The following ADAMTS3 variants were observed in gnomAD, a reference collection of about 807,000 sequenced individuals.
ADAMTS3 encodes A disintegrin and metalloproteinase with thrombospondin motifs 3.
Under a neutral mutation model 129.0 loss-of-function variants are expected in ADAMTS3, and 73 were observed. The ratio of observed to expected loss-of-function variants is 0.57; its 90% CI spans 0.47 to 0.69. The LOEUF (loss-of-function observed/expected upper bound fraction) is 0.69. ADAMTS3 is among the 30% of genes least tolerant of loss of function. The probability of loss-of-function intolerance (pLI) is 0.00; values close to 1 mark genes in which losing one functional copy is unlikely to be tolerated. For synonymous variants in ADAMTS3, 477 were observed against 510.8 expected, an observed-to-expected ratio of 0.93 and a Z score of 0.89; for missense variants, 1,457 against 1,514.5, an observed-to-expected ratio of 0.96 and a Z score of 0.63.
intron 5 of ADAMTS3, among the ~76,000 whole-genome samples, chr4:72,329,357 A>T (rs550159771): frequency 6.6e-6 from 1 of 152,164 alleles, no homozygotes; most frequent in South Asian, 2.1e-4. Context: ...GGAAGGAATA[A>T]TTGTGTGACT....
chr4:72,389,219 C>A (rs1991948), intron 4 of ADAMTS3, among the ~76,000 whole-genome samples: 1 of 152,102 alleles, frequency 6.6e-6, no homozygotes, highest in Non-Finnish European at 1.5e-5. Flanking sequence ...AGCCTCAGGA[C>A]TGTTATGTTA....
intron 3 of ADAMTS3, among the ~76,000 whole-genome samples, chr4:72,443,370 G>A (rs980039837): frequency 2.0e-5 from 3 of 151,674 alleles, no homozygotes; most frequent in Non-Finnish European, 4.4e-5. Flanking sequence ...GCTAGGAGTT[G>A]TATATACTGT....
chr4:72,397,130 T>C (rs1299460357), intron 4 of ADAMTS3, among the ~76,000 whole-genome samples: 1 of 152,182 alleles, frequency 6.6e-6, no homozygotes, highest in Non-Finnish European at 1.5e-5. Context: ...CAAGAGTGTA[T>C]TCTGCATTCC....
At chr4:72,386,032 A>G (rs1721438323) in intron 4 of ADAMTS3, among the ~76,000 whole-genome samples, 2 of 152,246 alleles carry the variant, frequency 1.3e-5, no homozygotes, top group South Asian at 2.1e-4. Context: ...AAGTTAGAGA[A>G]GATAACATTT....
intron 3 of ADAMTS3, among the ~76,000 whole-genome samples, chr4:72,418,216 T>C (rs1490531697): frequency 3.9e-5 from 6 of 152,070 alleles, no homozygotes; most frequent in Non-Finnish European, 1.5e-5. Context: ...TTATCTAGTA[T>C]CTATTTCAAC....
intron 7 of ADAMTS3, 116 bp downstream of exon 7, chr4:72,320,598 G>A (rs916540924): frequency 3.0e-5 from 32 of 1,051,812 alleles, no homozygotes; most frequent in Admixed American, 2.2e-4. Context: ...ATGCTTGGCC[G>A]GTGTGTGGTG....
At chr4:72,501,687 G>A (rs1211097185) in intron 3 of ADAMTS3, among the ~76,000 whole-genome samples, 3 of 152,022 alleles carry the variant, frequency 2.0e-5, no homozygotes, top group Admixed American at 1.3e-4. Flanking sequence ...TCCTGTTCCT[G>A]TTCTCAAGGG....
chr4:72,559,318 G>A (rs6446837), intron 2 of ADAMTS3, among the ~76,000 whole-genome samples: 146,250 of 151,790 alleles, frequency 0.96, 70,849 homozygotes, highest in East Asian at 1. Flanking sequence ...AAGTAAAAGA[G>A]TTGTATCTGG....
intron 3 of ADAMTS3, among the ~76,000 whole-genome samples, chr4:72,456,691 C>T (rs973741454): frequency 6.6e-6 from 1 of 151,464 alleles, no homozygotes; most frequent in Non-Finnish European, 1.5e-5. Flanking sequence ...ATGATCCCTA[C>T]CTTTCCCCTA....
intron 3 of ADAMTS3, among the ~76,000 whole-genome samples, chr4:72,506,418 C>A (rs116561652): frequency 6.6e-6 from 1 of 152,196 alleles, no homozygotes; most frequent in Non-Finnish European, 1.5e-5. Context: ...CCAGTGCCAA[C>A]TGTTGAGGCA....
intron 4 of ADAMTS3, among the ~76,000 whole-genome samples, chr4:72,345,669 A>G (rs1024046913): frequency 6.6e-6 from 1 of 152,114 alleles, no homozygotes; most frequent in African/African-American, 2.4e-5. Context: ...AGTGAATGTC[A>G]GTTTCCGTTA....
At chr4:72,525,322 C>CA in intron 3 of ADAMTS3, among the ~76,000 whole-genome samples, 1 of 152,322 alleles carries the variant, frequency 6.6e-6, no homozygotes, top group South Asian at 2.1e-4. Context: ...TCCTTGTCCT[C>CA]AGACTTTTCC....
chr4:72,345,794 G>A (rs1720266649), intron 4 of ADAMTS3, among the ~76,000 whole-genome samples: 1 of 151,800 alleles, frequency 6.6e-6, no homozygotes, highest in South Asian at 2.1e-4. Context: ...ACCTTTTAAG[G>A]AAAAAAATGT....
chr4:72,518,934 A>G (rs1385676054), intron 3 of ADAMTS3, among the ~76,000 whole-genome samples: 9 of 152,134 alleles, frequency 5.9e-5, no homozygotes, highest in African/African-American at 1.4e-4. Flanking sequence ...TCCTAGTCTC[A>G]ATGGTCTTTA....
At chr4:72,322,385 T>C (rs901421917) in intron 6 of ADAMTS3, among the ~76,000 whole-genome samples, 4 of 152,228 alleles carry the variant, frequency 2.6e-5, no homozygotes, top group African/African-American at 7.2e-5. Context: ...TCGTTTCCTG[T>C]ATGTTTCCTC....
chr4:72,288,626 AG>A, intron 21 of ADAMTS3, 124 bp downstream of exon 21: 1 of 670,592 alleles, frequency 1.5e-6, no homozygotes, highest in South Asian at 1.8e-5. Flanking sequence ...AATATTTCAC[AG>A]GTGTTTTCCT....
intron 3 of ADAMTS3, among the ~76,000 whole-genome samples, chr4:72,477,896 A>G (rs1337043357): frequency 1.3e-5 from 2 of 152,244 alleles, no homozygotes; most frequent in Non-Finnish European, 2.9e-5. Flanking sequence ...AACTACCATC[A>G]GAGAATACTA....
At chr4:72,393,392 C>A (rs1245275704) in intron 4 of ADAMTS3, among the ~76,000 whole-genome samples, 1 of 152,290 alleles carries the variant, frequency 6.6e-6, no homozygotes, top group Non-Finnish European at 1.5e-5. Flanking sequence ...CAGACTAACA[C>A]ATTTCCTCTT....
At chr4:72,517,648 T>C (rs1036019249) in intron 3 of ADAMTS3, among the ~76,000 whole-genome samples, 2 of 152,226 alleles carry the variant, frequency 1.3e-5, no homozygotes, top group African/African-American at 4.8e-5. Flanking sequence ...TATTCTCTGA[T>C]GTTAGTTTGT....
Sources: gnomAD v4.1 joint callset for allele counts (sites outside exome capture counted in the v4.1 genomes callset) on GRCh38, gnomAD v4.1.1 for gene constraint, MANE v1.5 for transcripts, NCBI Gene and HGNC (gene_info 2026-07-23, HGNC 2026-07-21) for gene names.